The following PDE3A variants were observed in gnomAD, a reference collection of about 807,000 sequenced individuals.
PDE3A encodes the protein cGMP-inhibited 3',5'-cyclic phosphodiesterase 3A.
In PDE3A, 43 loss-of-function variants were observed where a neutral mutation model predicts 98.3. The ratio of observed to expected loss-of-function variants is 0.44; its 90% CI spans 0.34 to 0.56. The LOEUF (loss-of-function observed/expected upper bound fraction) is 0.56. PDE3A is among the 20% of genes least tolerant of loss of function. PDE3A has a pLI of 0.01. For synonymous variants in PDE3A, 663 were observed against 567.9 expected, an observed-to-expected ratio of 1.17 and a Z score of -2.38; for missense variants, 1,427 against 1,440.7, an observed-to-expected ratio of 0.99 and a Z score of 0.15.
rs1266823767 is a variant in PDE3A, at chr12:20,386,261, ATATAT to A, written c.960+16032_960+16036del. 2.5e-3 allele frequency among the ~76,000 whole-genome samples: 339 copies of A among 133,582 alleles called. 2 individuals are homozygous for A. Among genetic ancestry groups the A allele is most frequent in the African/African-American group, 8.1e-3 (288 of 35,342 alleles). The allele number at this position is 133,582 out of a possible 152,430, so 87.6% of individuals were successfully genotyped here. A position where few individuals can be genotyped will look rare whatever the true frequency, so the allele number is the denominator to read the frequency against. On this transcript the variant is annotated intron_variant, in intron 1 of 15. Coordinates refer to ENST00000359062, the MANE Select transcript of PDE3A (RefSeq NM_000921.5). ...AAATATAAATATATTAATTATATTA[ATATAT>A]TATATTATATTATAGTATATTATAG...
At chr12:20,673,461 CAAT>C (rs1945545788) in intron 15 of PDE3A, among the ~76,000 whole-genome samples, 2 of 139,206 alleles carry the variant, frequency 1.4e-5, no homozygotes, top group South Asian at 5.0e-4. Flanking sequence ...AAATGTCCAA[CAAT>C]GATAGACTGG....
intron 2 of PDE3A, among the ~76,000 whole-genome samples, chr12:20,583,413 C>T (rs567556564): frequency 6.6e-6 from 1 of 152,008 alleles, no homozygotes; most frequent in East Asian, 1.9e-4. Flanking sequence ...TTTCATTTGC[C>T]CTATCTTAAT....
chr12:20,369,557 G>C lies in PDE3A; in HGVS notation c.273G>C (p.Gln91His), dbSNP rs1287539211. The stretch of plus-strand genomic sequence containing the variant: ...GGGAGGTCGGCTGTGACCTGGAGCA[G>C]TGTAAGGAGGCGGCGGCGGCGGAGG... ...VRGEVGCDLE[Q>H]CKEAAAAEEE... Residue 91 changes from glutamine (Q) to histidine (H), a missense_variant, in exon 1 of 16, where the codon CAG (glutamine) becomes CAC (histidine). Physicochemically the swap from Gln to His is conservative, Grantham distance 24 (BLOSUM62 0). This residue lies in a region of PDE3A where 1,012 missense variants were observed against 886.5 expected (regional missense o/e 1.14). Coordinates refer to ENST00000359062, the MANE Select transcript of PDE3A (RefSeq NM_000921.5). 2.6e-6 allele frequency: 4 copies of C among 1,557,246 alleles called. No individual in the cohort carries two copies. The highest frequency in any genetic ancestry group is 3.5e-6 in the Non-Finnish European group (4 of 1,151,846).
At chr12:20,524,693 A>G (rs1946484172) in intron 1 of PDE3A, among the ~76,000 whole-genome samples, 1 of 152,038 alleles carries the variant, frequency 6.6e-6, no homozygotes, top group Admixed American at 6.6e-5. Context: ...AATAATAATA[A>G]AATATAAAAT....
At chr12:20,555,026 G>C (rs1412238072) in intron 1 of PDE3A, among the ~76,000 whole-genome samples, 1 of 151,382 alleles carries the variant, frequency 6.6e-6, no homozygotes, top group Non-Finnish European at 1.5e-5. Context: ...TTTTCTAATG[G>C]ATTCCTTTCT....
At chr12:20,595,375 G>A (rs34054007) in intron 2 of PDE3A, among the ~76,000 whole-genome samples, 343 of 152,196 alleles carry the variant, frequency 2.3e-3, no homozygotes, top group South Asian at 4.1e-3. Context: ...TCAAATCCCT[G>A]GCTTTGGAGT....
chr12:20,416,098 C>A (rs1944418063), intron 1 of PDE3A, among the ~76,000 whole-genome samples: 2 of 152,164 alleles, frequency 1.3e-5, no homozygotes, highest in East Asian at 1.9e-4. Flanking sequence ...GTTATTAATT[C>A]TAAGATATGC....
chr12:20,539,369 C>A (rs1317132820), intron 1 of PDE3A, among the ~76,000 whole-genome samples: 1 of 152,076 alleles, frequency 6.6e-6, no homozygotes, highest in East Asian at 1.9e-4. Flanking sequence ...ACTATCTTAG[C>A]CACCCATATG....
At position 20,369,969 on chromosome 12, in the gene PDE3A, T is replaced by G. The variant is rs1436053394; in HGVS notation, c.685T>G (p.Leu229Val). The G allele has an allele frequency of 6.2e-7, 1 of 1,613,384 alleles. No homozygotes were observed. The highest frequency in any genetic ancestry group is 2.2e-5 in the East Asian group (1 of 44,830). ...SAVRTVSLIS[L>V]ERFKVAWRPY... is the part of the protein sequence containing the mutation. The stretch of plus-strand genomic sequence containing the variant: ...GGTCAGGACCGTGTCCCTCATTTCC[T>G]TAGAGAGGTTCAAGGTCGCCTGGAG... Residue 229 changes from leucine to valine, a missense_variant, in exon 1 of 16, where the codon TTA becomes GTA. Leu to Val is a conservative substitution (Grantham distance 32). Transcript: ENST00000359062.
chr12:20,448,268 C>T lies in PDE3A; in HGVS notation c.960+78024C>T, dbSNP rs140084327. Among the ~76,000 whole-genome samples the T allele has an allele frequency of 2.5e-3, 381 of 152,176 alleles. 1 individual carries two copies. Among genetic ancestry groups the T allele is most frequent in the Non-Finnish European group, 4.1e-3 (277 of 68,004 alleles). On this transcript the variant is annotated intron_variant, in intron 1 of 15. Transcript: ENST00000359062. ...CAGCCTGGCCAACTTGGTGAAACCC[C>T]GTCTCTACTAAAACTACCAAAAATT...
chr12:20,372,253 G>T (rs1019020622), intron 1 of PDE3A, among the ~76,000 whole-genome samples: 1 of 151,922 alleles, frequency 6.6e-6, no homozygotes, highest in South Asian at 2.1e-4. Flanking sequence ...ATGCATAATC[G>T]CAATCTATTT....
At chr12:20,649,020 G>A in intron 13 of PDE3A, 129 bp downstream of exon 13, 1 of 617,540 alleles carries the variant, frequency 1.6e-6, no homozygotes, top group Non-Finnish European at 2.8e-6. Flanking sequence ...CTGCCTCCTG[G>A]GTTCAAGTGA....
At chr12:20,572,030 G>C in intron 2 of PDE3A, 2 of 1,113,690 alleles carry the variant, frequency 1.8e-6, no homozygotes, top group South Asian at 2.1e-5. Context: ...AGGATAGCTG[G>C]AGTTGCAATC....
At chr12:20,620,798 C>G (rs911611121) in intron 4 of PDE3A, among the ~76,000 whole-genome samples, 1 of 144,848 alleles carries the variant, frequency 6.9e-6, no homozygotes, top group Non-Finnish European at 1.5e-5. Context: ...AGATCATTTC[C>G]GTCACAAGGA....
chr12:20,414,079 G>A (rs1944379886), intron 1 of PDE3A, among the ~76,000 whole-genome samples: 1 of 152,154 alleles, frequency 6.6e-6, no homozygotes, highest in Non-Finnish European at 1.5e-5. Context: ...CCAAAGAACA[G>A]ATTCTGGAGA....
intron 1 of PDE3A, among the ~76,000 whole-genome samples, chr12:20,452,169 A>T (rs1018676598): frequency 1.3e-5 from 2 of 152,200 alleles, no homozygotes; most frequent in African/African-American, 2.4e-5. Context: ...CATGCATCAG[A>T]CTAGTTCTCA....
At chr12:20,666,140 T>A (rs1945304945) in intron 15 of PDE3A, among the ~76,000 whole-genome samples, 1 of 151,764 alleles carries the variant, frequency 6.6e-6, no homozygotes, top group Non-Finnish European at 1.5e-5. Flanking sequence ...AATTTTTGTA[T>A]TTTTAGTAGA....
At chr12:20,506,144 G>T (rs956369284) in intron 1 of PDE3A, among the ~76,000 whole-genome samples, 1 of 151,188 alleles carries the variant, frequency 6.6e-6, no homozygotes, top group African/African-American at 2.4e-5. Context: ...GTGTGTAGCA[G>T]GTTAAACAAA....
chr12:20,468,635 C>T lies in PDE3A; in HGVS notation c.961-88025C>T, dbSNP rs117855456. Among the ~76,000 whole-genome samples, 734 of 152,270 alleles carry T rather than the reference C, an allele frequency of 4.8e-3. 3 individuals are homozygous for T. The highest frequency in any genetic ancestry group is 0.014 in the Admixed American group (216 of 15,300). ...AGCTTCCCTGTAGCTCCCCTCTATA[C>T]GCAGCTCCAAGCATGCCAGACCTAA... On this transcript the variant is annotated intron_variant, in intron 1 of 15. Transcript: ENST00000359062.
Sources: gnomAD v4.1 joint callset for allele counts (sites outside exome capture counted in the v4.1 genomes callset) on GRCh38, gnomAD v4.1.1 for gene constraint, gnomAD v4.1.1 regional missense constraint, MANE v1.5 for transcripts, NCBI Gene and HGNC (gene_info 2026-07-23, HGNC 2026-07-21) for gene names.